DRICH1: variants seen among roughly 807,000 people sequenced by gnomAD.
DRICH1 encodes the protein aspartate rich 1.
DRICH1 carries 38 observed loss-of-function variants against 39.5 expected under a neutral mutation model. The ratio of observed to expected loss-of-function variants is 0.96; its 90% CI spans 0.74 to 1.26. The LOEUF (loss-of-function observed/expected upper bound fraction) is 1.26, where lower values mean the gene tolerates loss of function less well. DRICH1 is among the 50% of genes most tolerant of loss of function. The pLI is 0.00. For synonymous variants in DRICH1, 84 were observed against 99.5 expected, an observed-to-expected ratio of 0.84 and a Z score of 0.93; for missense variants, 279 against 270.4, an observed-to-expected ratio of 1.03 and a Z score of -0.22.
the DRICH1 span, among the ~76,000 whole-genome samples, chr22:23,582,647 C>T: frequency 6.6e-6 from 1 of 151,690 alleles, no homozygotes; most frequent in East Asian, 1.9e-4. Flanking sequence ...CTCACTGTGG[C>T]CTCTGCCTCC....
intron 11 of DRICH1, among the ~76,000 whole-genome samples, 185 bp downstream of exon 11, chr22:23,613,104 T>C (rs1286305747): frequency 6.6e-6 from 1 of 152,176 alleles, no homozygotes. Flanking sequence ...TCATAGCCCA[T>C]AGAGACAGTT....
downstream of DRICH1, among the ~76,000 whole-genome samples, chr22:23,603,781 T>C (rs1926592273): frequency 6.6e-6 from 1 of 151,910 alleles, no homozygotes; most frequent in Admixed American, 6.6e-5. Flanking sequence ...ACAGTCCCCC[T>C]GCGTTTGGCC....
the DRICH1 span, among the ~76,000 whole-genome samples, chr22:23,599,870 C>A: frequency 6.6e-6 from 1 of 152,194 alleles, no homozygotes; most frequent in Non-Finnish European, 1.5e-5. Context: ...TCCCAGGGGA[C>A]CCCAGTGCCA....
the DRICH1 span, among the ~76,000 whole-genome samples, chr22:23,591,749 C>A: frequency 6.6e-5 from 10 of 152,268 alleles, no homozygotes; most frequent in East Asian, 1.2e-3. Context: ...TTAGGAAATA[C>A]GTAAATACAC....
At chr22:23,615,896 T>C (rs892728614) in intron 8 of DRICH1, among the ~76,000 whole-genome samples, 8 of 152,140 alleles carry the variant, frequency 5.3e-5, no homozygotes, top group African/African-American at 1.7e-4. Context: ...AAATACACAA[T>C]GGGGAAAGGA....
chr22:23,601,863 A>G, the DRICH1 span, among the ~76,000 whole-genome samples: 46 of 152,268 alleles, frequency 3.0e-4, no homozygotes, highest in African/African-American at 1.2e-4. Context: ...TCAGAAAGAG[A>G]CCAGTGGTTG....
intron 2 of DRICH1, among the ~76,000 whole-genome samples, chr22:23,625,777 A>T (rs186380318): frequency 7.0e-4 from 106 of 152,238 alleles, no homozygotes; most frequent in South Asian, 1.9e-3. Flanking sequence ...GAACCAGAGG[A>T]GTGACCTGCA....
chr22:23,624,896 T>C lies in DRICH1; in HGVS notation c.285A>G (p.Pro95=), dbSNP rs1315015103. 3.7e-6 allele frequency: 6 copies of C among 1,613,636 alleles called. No homozygotes were observed. Among genetic ancestry groups the C allele is most frequent in the East Asian group, 2.2e-5 (1 of 44,872 alleles). The change falls in exon 3 of 12, where the codon CCA becomes CCG. Residue 95 remains proline (P), a synonymous_variant. Transcript: ENST00000317749. ...CAAGGTACGTACCCTGGACAGGTGATGGTAAAATCTGCAATGAGACAAAAG... is the reference window on the plus strand; with the variant it reads ...CAAGGTACGTACCCTGGACAGGTGACGGTAAAATCTGCAATGAGACAAAAG... ...EEDNDDAKIL[P]SPVQGSSEDN... is the part of the protein sequence containing the mutation.
At chr22:23,620,198 A>G (rs1282572130) in intron 5 of DRICH1, among the ~76,000 whole-genome samples, 6 of 151,864 alleles carry the variant, frequency 4.0e-5, no homozygotes, top group African/African-American at 1.5e-4. Context: ...ACCCTCCCTC[A>G]CCTCCCAAGC....
chr22:23,609,177 C>T, intron 11 of DRICH1, among the ~76,000 whole-genome samples: 1 of 152,190 alleles, frequency 6.6e-6, no homozygotes, highest in African/African-American at 2.4e-5. Context: ...GGCAGAGGGA[C>T]AGCCAGTGGC....
chr22:23,628,959 C>A (rs947244819), intron 1 of DRICH1, among the ~76,000 whole-genome samples: 1 of 152,196 alleles, frequency 6.6e-6, no homozygotes, highest in Non-Finnish European at 1.5e-5. Flanking sequence ...GTCCTGTTCA[C>A]TCCTACTCAG....
chr22:23,582,555 C>CTTA, the DRICH1 span, among the ~76,000 whole-genome samples: 45,244 of 143,670 alleles, frequency 0.31, 8,154 homozygotes, highest in Middle Eastern at 0.39. Flanking sequence ...CCTTCAGGGG[C>CTTA]TTATTATTAT....
At chr22:23,588,035 G>A in the DRICH1 span, among the ~76,000 whole-genome samples, 41 of 152,306 alleles carry the variant, frequency 2.7e-4, no homozygotes, top group African/African-American at 9.9e-4. Context: ...ATATTCGCAT[G>A]GAGCCCAGTC....
chr22:23,610,090 C>G (rs1316945176), intron 11 of DRICH1, among the ~76,000 whole-genome samples: 1 of 152,136 alleles, frequency 6.6e-6, no homozygotes, highest in East Asian at 1.9e-4. Flanking sequence ...GCCGTCTCTC[C>G]TCCCCAGCAC....
the DRICH1 span, among the ~76,000 whole-genome samples, chr22:23,590,791 C>T: frequency 0.64 from 97,014 of 151,536 alleles, 31,498 homozygotes; most frequent in African/African-American, 0.74. Context: ...TATTTAGATA[C>T]CTATATATCT....
chr22:23,617,429 C>G, intron 7 of DRICH1, 146 bp downstream of exon 7: 2 of 932,336 alleles, frequency 2.1e-6, no homozygotes, highest in Non-Finnish European at 3.4e-6. Context: ...TTGGCAATGC[C>G]TGCTTGTTGG....
rs1379049739 is a variant in DRICH1 at position 23,631,830 on chromosome 22, T to C, written c.194A>G (p.Gln65Arg). Residue 65 changes from glutamine (Q) to arginine (R), a missense_variant, in exon 1 of 12, where the codon CAA becomes CGA. Gln to Arg is a conservative substitution (Grantham distance 43). Transcript: ENST00000317749. Reference protein sequence around the residue: ...EGQDLQHISNQKMPTGPPEDR... With the variant: ...EGQDLQHISNRKMPTGPPEDR... Reference sequence around the variant, plus strand: ...GGCTTTTTTACCTGTGGGCATCTTTTGGTTGCTGATGTGCTGCAGGTCTTG... The same window carrying C: ...GGCTTTTTTACCTGTGGGCATCTTTCGGTTGCTGATGTGCTGCAGGTCTTG... 1.2e-6 allele frequency: 2 copies of C among 1,612,248 alleles called. No homozygotes were observed. The highest frequency in any genetic ancestry group is 1.7e-6 in the Non-Finnish European group (2 of 1,180,004).
chr22:23,597,177 T>A, the DRICH1 span, among the ~76,000 whole-genome samples: 1 of 143,244 alleles, frequency 7.0e-6, no homozygotes. Flanking sequence ...CTTTCCTTCC[T>A]CCCTCCCTCC....
Position 23,632,225 on chromosome 22 carries a change from G to T in DRICH1, c.-202C>A. On this transcript the variant is annotated 5_prime_UTR_variant, in exon 1 of 12. The change creates a premature stop within an existing upstream ORF in the 5' untranslated region. Transcript: ENST00000317749. ...AGGTCAGGGACCTGCTGTCTTCTTT[G>T]AAAAATAAACGAACATGACAAGCAC... 1.2e-6 allele frequency: 1 copy of T among 839,000 alleles called. No homozygotes were observed. The highest frequency in any genetic ancestry group is 1.8e-6 in the Non-Finnish European group (1 of 558,976). The allele number at this position is 839,000 out of a possible 1,614,324, so 52.0% of individuals were successfully genotyped here. A position where few individuals can be genotyped will look rare whatever the true frequency, so the allele number is the denominator to read the frequency against.
Sources: gnomAD v4.1 joint callset for allele counts (sites outside exome capture counted in the v4.1 genomes callset) on GRCh38, gnomAD v4.1.1 for gene constraint, MANE v1.5 for transcripts, NCBI Gene and HGNC (gene_info 2026-07-23, HGNC 2026-07-21) for gene names.